The following PSD3 variants were observed in gnomAD, a reference collection of about 807,000 sequenced individuals.
PSD3 encodes pleckstrin and Sec7 domain containing 3, also known as PH and SEC7 domain-containing protein 3.
In PSD3, 49 loss-of-function variants were observed where a neutral mutation model predicts 105.5. That is an observed-to-expected ratio of 0.46 (90% CI 0.37 to 0.59). The LOEUF is 0.59. PSD3 is among the 20% of genes least tolerant of loss of function. PSD3 has a pLI of 0.00. For synonymous variants in PSD3, 557 were observed against 457.8 expected, an observed-to-expected ratio of 1.22 and a Z score of -2.77; for missense variants, 1,561 against 1,263.8, an observed-to-expected ratio of 1.24 and a Z score of -3.57.
intron 4 of PSD3, among the ~76,000 whole-genome samples, chr8:18,809,495 G>A (rs373630090): frequency 1.7e-4 from 26 of 152,036 alleles, no homozygotes; most frequent in African/African-American, 5.8e-4. Flanking sequence ...ATAAAAATAG[G>A]GTACCCAATA....
At chr8:18,787,537 G>A (rs1049849532) in intron 8 of PSD3, among the ~76,000 whole-genome samples, 1 of 152,086 alleles carries the variant, frequency 6.6e-6, no homozygotes, top group African/African-American at 2.4e-5. Context: ...CAAAATTCCA[G>A]GCAGGCCCAA....
At chr8:18,583,200 AG>A (rs1802934560) in intron 12 of PSD3, among the ~76,000 whole-genome samples, 2 of 152,110 alleles carry the variant, frequency 1.3e-5, no homozygotes, top group African/African-American at 4.8e-5. Context: ...GCACTTTGGG[AG>A]GTCAAGGCAG....
chr8:18,547,334 C>T (rs1447394602), intron 15 of PSD3, among the ~76,000 whole-genome samples: 1 of 152,204 alleles, frequency 6.6e-6, no homozygotes, highest in South Asian at 2.1e-4. Context: ...GAACTACAGG[C>T]AGCTCCCCAA....
At chr8:18,557,944 T>C (rs953002830) in intron 14 of PSD3, among the ~76,000 whole-genome samples, 19 of 152,166 alleles carry the variant, frequency 1.2e-4, no homozygotes, top group African/African-American at 4.3e-4. Flanking sequence ...GAAGTAATAA[T>C]GGTTAAATGA....
intron 1 of PSD3, among the ~76,000 whole-genome samples, chr8:18,961,639 C>T (rs1294337961): frequency 6.6e-6 from 1 of 151,704 alleles, no homozygotes; most frequent in African/African-American, 2.4e-5. Context: ...TGCAGCGAGC[C>T]GAGATCACGC....
chr8:19,054,227 A>C (rs1234866151), intron 1 of PSD3, among the ~76,000 whole-genome samples: 1 of 152,194 alleles, frequency 6.6e-6, no homozygotes, highest in Admixed American at 6.5e-5. Flanking sequence ...TTGCTGATTG[A>C]AAACATCCTC....
intron 11 of PSD3, among the ~76,000 whole-genome samples, chr8:18,601,215 A>C (rs187706771): frequency 1.4e-4 from 22 of 152,370 alleles, no homozygotes; most frequent in Admixed American, 4.6e-4. Context: ...TGACTTGTAT[A>C]AACTCTTACA....
chr8:18,986,550 T>C (rs556936310), intron 1 of PSD3, among the ~76,000 whole-genome samples: 5 of 145,442 alleles, frequency 3.4e-5, no homozygotes, highest in African/African-American at 1.3e-4. Context: ...TGAGATAAAA[T>C]GGTCTCAGCA....
chr8:19,000,358 C>T (rs1826305777), intron 1 of PSD3, among the ~76,000 whole-genome samples: 1 of 149,250 alleles, frequency 6.7e-6, no homozygotes, highest in Admixed American at 6.7e-5. Flanking sequence ...AATCATGCCC[C>T]TGCATTCCGG....
rs200887138 is a variant in PSD3 at position 18,765,413 on chromosome 8, C to G, written c.2172+36G>C. 1.4e-4 allele frequency: 213 copies of G among 1,512,966 alleles called. 2 individuals are homozygous for G. The African/African-American group carries it at 2.4e-3, about 17-fold the overall frequency. The allele number at this position is 1,512,966 out of a possible 1,614,324, so 93.7% of individuals were successfully genotyped here. A position where few individuals can be genotyped will look rare whatever the true frequency, so the allele number is the denominator to read the frequency against. On this transcript the variant is annotated intron_variant, in intron 9 of 15. Coordinates refer to ENST00000327040, the MANE Select transcript of PSD3 (RefSeq NM_015310.4). ...AAGCTGTAAGCAGCAAACAGAAATA[C>G]AAGCATACACTAAAAACCAATAGTT...
intron 2 of PSD3, among the ~76,000 whole-genome samples, chr8:18,925,884 G>A (rs533473430): frequency 1.3e-3 from 201 of 152,162 alleles, no homozygotes; most frequent in Non-Finnish European, 1.7e-3. Context: ...ACAAAACCAC[G>A]TACAGTGAAT....
rs143267861 is a variant in PSD3, at chr8:18,917,415, G to C, written c.130+18619C>G. On this transcript the variant is annotated intron_variant, in intron 2 of 15. Coordinates refer to ENST00000327040, the MANE Select transcript of PSD3 (RefSeq NM_015310.4). ...TCATGGCACGACACAGGGGCAATGA[G>C]CTCTAACTAGAAGTCTTCCGTGGCA... 2.2e-3 allele frequency among the ~76,000 whole-genome samples: 329 copies of C among 152,282 alleles called. 1 individual carries two copies. Among genetic ancestry groups the C allele is most frequent in the Non-Finnish European group, 3.2e-3 (217 of 68,028 alleles).
In PSD3 at chr8:18,867,761, C is replaced by T. The variant is rs748306430; in HGVS notation, c.1547G>A (p.Gly516Asp). The change falls in exon 4 of 16, where the codon GGC becomes GAC. Residue 516 changes from glycine (G) to aspartate (D), a missense_variant. Physicochemically the swap from Gly to Asp is moderately conservative, Grantham distance 94. Transcript: ENST00000327040. ...CCCATTGGTGACGCCACTAGAATAG[C>T]CCATCACGATGCCACCATCTGCAGA... ...SVSADGGIVM[G>D]YSSGVTNGLN... is the part of the protein sequence containing the mutation. The T allele has an allele frequency of 8.1e-6, 13 of 1,613,990 alleles. No individual in the cohort carries two copies. In the African/African-American group the frequency reaches 1.7e-4, roughly 22 times the overall value.
chr8:18,693,675 C>G (rs550136157), intron 9 of PSD3, among the ~76,000 whole-genome samples: 11 of 152,306 alleles, frequency 7.2e-5, no homozygotes, highest in African/African-American at 2.2e-4. Context: ...GTGGTGGCAA[C>G]TGCAGGCTAC....
chr8:18,546,780 T>C (rs1800476874), intron 15 of PSD3, among the ~76,000 whole-genome samples: 1 of 152,204 alleles, frequency 6.6e-6, no homozygotes, highest in South Asian at 2.1e-4. Context: ...CAACATCTAC[T>C]TATTTCCCTC....
intron 1 of PSD3, among the ~76,000 whole-genome samples, chr8:18,941,519 T>C (rs1822536131): frequency 2.0e-5 from 3 of 152,170 alleles, no homozygotes; most frequent in Admixed American, 1.3e-4. Flanking sequence ...CACCATTAAA[T>C]GGATGGGACA....
intron 9 of PSD3, among the ~76,000 whole-genome samples, chr8:18,726,844 T>C (rs1803364956): frequency 6.6e-6 from 1 of 152,194 alleles, no homozygotes; most frequent in Non-Finnish European, 1.5e-5. Context: ...ATCCCTGTCC[T>C]TTATTTCCAC....
chr8:18,602,783 A>G (rs953962765), intron 11 of PSD3, among the ~76,000 whole-genome samples: 10 of 152,156 alleles, frequency 6.6e-5, no homozygotes, highest in African/African-American at 2.4e-4. Flanking sequence ...TTTGACAACC[A>G]CACATACAGT....
At position 18,572,689 on chromosome 8, in the gene PSD3, T is replaced by C. The variant is rs777460297; in HGVS notation, c.2640-17A>G. On this transcript the variant is annotated splice_polypyrimidine_tract_variant and intron_variant, in intron 13 of 15. Coordinates refer to ENST00000327040, the MANE Select transcript of PSD3 (RefSeq NM_015310.4). Reference sequence around the variant, plus strand: ...TCTGGGCTCCTATGAGAAATAGATATGTTTATATCAGGATATTGCCATGTC... The same window carrying C: ...TCTGGGCTCCTATGAGAAATAGATACGTTTATATCAGGATATTGCCATGTC... The C allele has an allele frequency of 3.7e-6, 6 of 1,611,822 alleles. No homozygotes were observed. The highest frequency in any genetic ancestry group is 2.2e-5 in the East Asian group (1 of 44,850).
Sources: gnomAD v4.1 joint callset for allele counts (sites outside exome capture counted in the v4.1 genomes callset) on GRCh38, gnomAD v4.1.1 for gene constraint, MANE v1.5 for transcripts, NCBI Gene and HGNC (gene_info 2026-07-23, HGNC 2026-07-21) for gene names.